The following ELMO1 variants were observed in gnomAD, a reference collection of about 807,000 sequenced individuals.
The protein encoded by ELMO1 is engulfment and cell motility protein 1.
A neutral mutation model predicts 98.9 loss-of-function variants in ELMO1; 26 were observed. The observed-to-expected ratio is 0.26, with a 90% confidence interval of 0.19 to 0.36. The LOEUF (loss-of-function observed/expected upper bound fraction) is 0.36. Ranked by LOEUF, ELMO1 falls within the 10% of genes least tolerant of loss-of-function variation. The pLI is 1.00. For synonymous variants in ELMO1, 346 were observed against 346.0 expected (o/e 1.00, Z 0.00); for missense variants, 627 against 935.2 (o/e 0.67, Z 4.30).
chr7:37,357,036 C>T (rs1370876399), intron 1 of ELMO1, among the ~76,000 whole-genome samples: 1 of 152,144 alleles, frequency 6.6e-6, no homozygotes, highest in Non-Finnish European at 1.5e-5. Flanking sequence ...CAATAAGAAT[C>T]TGAACCAACA....
At chr7:36,920,071 A>G (rs988822002) in intron 16 of ELMO1, among the ~76,000 whole-genome samples, 2 of 152,202 alleles carry the variant, frequency 1.3e-5, no homozygotes, top group African/African-American at 4.8e-5. Flanking sequence ...TGCAAGGGCC[A>G]ACCTCACACT....
In ELMO1 at chr7:37,315,915, C is replaced by G; in HGVS notation, c.119+5G>C. Reference sequence around the variant, plus strand: ...TGCCTTAGATAAATCCTGAGTAACACTTACCCATCACAGACTTCCTTTATT... The same window carrying G: ...TGCCTTAGATAAATCCTGAGTAACAGTTACCCATCACAGACTTCCTTTATT... On this transcript the variant is annotated splice_donor_5th_base_variant and intron_variant, in intron 3 of 21. Transcript: ENST00000310758. 1.2e-6 allele frequency: 2 copies of G among 1,600,488 alleles called. No individual in the cohort carries two copies. The highest frequency in any genetic ancestry group is 1.7e-6 in the Non-Finnish European group (2 of 1,176,194).
intron 19 of ELMO1, among the ~76,000 whole-genome samples, chr7:36,871,177 G>T (rs1803470345): frequency 6.6e-6 from 1 of 152,162 alleles, no homozygotes; most frequent in South Asian, 2.1e-4. Context: ...TCTTACTCTG[G>T]AGTTGGCGGA....
intron 15 of ELMO1, among the ~76,000 whole-genome samples, chr7:37,065,617 T>G (rs1026027737): frequency 1.3e-5 from 2 of 152,154 alleles, no homozygotes; most frequent in Non-Finnish European, 2.9e-5. Context: ...CAAATTCTCT[T>G]GAGACAATCT....
At chr7:36,968,356 A>G (rs1026799502) in intron 16 of ELMO1, among the ~76,000 whole-genome samples, 1 of 152,204 alleles carries the variant, frequency 6.6e-6, no homozygotes, top group African/African-American at 2.4e-5. Flanking sequence ...TTCTTAATAT[A>G]TATTGCCATT....
At chr7:37,390,308 G>T (rs1803013242) in intron 1 of ELMO1, among the ~76,000 whole-genome samples, 1 of 152,182 alleles carries the variant, frequency 6.6e-6, no homozygotes, top group Non-Finnish European at 1.5e-5. Context: ...AGTATGAACG[G>T]TTTCACATGA....
At chr7:37,172,900 ACGG>A (rs956899313) in intron 13 of ELMO1, among the ~76,000 whole-genome samples, 6 of 152,338 alleles carry the variant, frequency 3.9e-5, no homozygotes, top group African/African-American at 1.4e-4. Flanking sequence ...TAACTAGCAG[ACGG>A]CTCTTACTCA....
chr7:37,130,848 A>G (rs535706655), intron 14 of ELMO1, among the ~76,000 whole-genome samples: 2 of 152,300 alleles, frequency 1.3e-5, no homozygotes, highest in East Asian at 3.9e-4. Flanking sequence ...ATATTCAGGT[A>G]CAGAATAAGC....
chr7:37,198,637 T>C (rs984999027), intron 13 of ELMO1, among the ~76,000 whole-genome samples: 13 of 152,222 alleles, frequency 8.5e-5, no homozygotes, highest in African/African-American at 2.4e-4. Context: ...TCAAACACAA[T>C]TGACTTGCTT....
At chr7:37,283,482 C>G (rs1238479490) in intron 4 of ELMO1, among the ~76,000 whole-genome samples, 1 of 152,170 alleles carries the variant, frequency 6.6e-6, no homozygotes, top group Non-Finnish European at 1.5e-5. Flanking sequence ...TCTAATACCC[C>G]AGGATAAGAA....
intron 4 of ELMO1, among the ~76,000 whole-genome samples, chr7:37,295,628 C>T (rs866761276): frequency 6.6e-6 from 1 of 152,142 alleles, no homozygotes; most frequent in East Asian, 1.9e-4. Context: ...CTTACAACAA[C>T]CAAAATGCAG....
chr7:37,317,500 T>C (rs544129396), intron 2 of ELMO1, among the ~76,000 whole-genome samples: 1 of 152,202 alleles, frequency 6.6e-6, no homozygotes, highest in Non-Finnish European at 1.5e-5. Context: ...ATAAAAAGAA[T>C]GAGATCCTGT....
chr7:36,967,957 T>A (rs972524764), intron 16 of ELMO1, among the ~76,000 whole-genome samples: 1 of 152,364 alleles, frequency 6.6e-6, no homozygotes, highest in East Asian at 1.9e-4. Context: ...TATGTTTATA[T>A]TAAATTTTTG....
intron 13 of ELMO1, among the ~76,000 whole-genome samples, chr7:37,202,452 G>T (rs766812265): frequency 6.6e-6 from 1 of 152,196 alleles, no homozygotes; most frequent in East Asian, 1.9e-4. Context: ...GAAAGCCTAT[G>T]ATAAAATCAC....
At chr7:37,210,522 G>T (rs903916438) in intron 13 of ELMO1, among the ~76,000 whole-genome samples, 4 of 147,310 alleles carry the variant, frequency 2.7e-5, no homozygotes, top group Non-Finnish European at 4.5e-5. Flanking sequence ...TATATATTTG[G>T]GTGTGTCTGT....
chr7:37,064,567 G>A lies in ELMO1; in HGVS notation c.1300+32052C>T, dbSNP rs117655446. Among the ~76,000 whole-genome samples the A allele has an allele frequency of 3.8e-4, 58 of 152,268 alleles. No individual in the cohort carries two copies. In the East Asian group the frequency reaches 0.01, roughly 26 times the overall value. On this transcript the variant is annotated intron_variant, in intron 15 of 21. Coordinates refer to ENST00000310758, the MANE Select transcript of ELMO1 (RefSeq NM_014800.11). ...GTGTAGCTGTTACAGGAAATAATACGGGCAAAGCCTGCAGAACAGTGTTTG... is the reference window on the plus strand; with the variant it reads ...GTGTAGCTGTTACAGGAAATAATACAGGCAAAGCCTGCAGAACAGTGTTTG...
chr7:37,347,137 G>A (rs1034369364), intron 1 of ELMO1, among the ~76,000 whole-genome samples: 4 of 152,190 alleles, frequency 2.6e-5, no homozygotes, highest in Non-Finnish European at 4.4e-5. Flanking sequence ...TTGCAGAATG[G>A]ATAATCTAGT....
intron 16 of ELMO1, among the ~76,000 whole-genome samples, chr7:36,917,496 A>T (rs554037183): frequency 6.6e-6 from 1 of 152,358 alleles, no homozygotes; most frequent in Admixed American, 6.5e-5. Context: ...TGCAATTTGC[A>T]GAAGGAAAAA....
intron 1 of ELMO1, among the ~76,000 whole-genome samples, chr7:37,378,882 C>T (rs1300554249): frequency 6.6e-6 from 1 of 152,142 alleles, no homozygotes; most frequent in East Asian, 1.9e-4. Context: ...GCAGTAGCCT[C>T]GTAACTGGTC....
Sources: gnomAD v4.1 joint callset for allele counts (sites outside exome capture counted in the v4.1 genomes callset) on GRCh38, gnomAD v4.1.1 for gene constraint, MANE v1.5 for transcripts, NCBI Gene and HGNC (gene_info 2026-07-23, HGNC 2026-07-21) for gene names.